BLM: variants seen among roughly 807,000 people sequenced by gnomAD.
The protein encoded by BLM is BLM RecQ like helicase.
BLM carries 95 observed loss-of-function variants against 135.3 expected under a neutral mutation model. That is an observed-to-expected ratio of 0.70 (90% CI 0.59 to 0.83). BLM has a LOEUF of 0.83. Ranked by LOEUF, BLM falls within the 40% of genes least tolerant of loss-of-function variation. The probability of loss-of-function intolerance (pLI) is 0.00; values close to 1 mark genes in which losing one functional copy is unlikely to be tolerated. For missense variants in BLM, 1,518 were observed against 1,663.9 expected (o/e 0.91, Z 1.53); for synonymous variants, 520 against 589.2 (o/e 0.88, Z 1.70).
intron 12 of BLM, among the ~76,000 whole-genome samples, chr15:90,779,808 G>A (rs1190603385): frequency 1.3e-5 from 2 of 152,160 alleles, no homozygotes; most frequent in Admixed American, 6.5e-5. Context: ...TTTGTTCCTA[G>A]TTATTCTTCA....
At chr15:90,792,083 C>CTTT (rs35083164) in intron 15 of BLM, among the ~76,000 whole-genome samples, 3 of 143,288 alleles carry the variant, frequency 2.1e-5, no homozygotes, top group Non-Finnish European at 4.5e-5. Context: ...TCTGAGACCA[C>CTTT]TTTTTTTTTT....
At chr15:90,723,940 C>T (rs1186203899) in intron 1 of BLM, among the ~76,000 whole-genome samples, 1 of 152,006 alleles carries the variant, frequency 6.6e-6, no homozygotes, top group East Asian at 1.9e-4. Flanking sequence ...TGCTTAATGG[C>T]TTCAAGGTTC....
intron 19 of BLM, among the ~76,000 whole-genome samples, chr15:90,804,664 C>T (rs1279607730): frequency 6.6e-6 from 1 of 152,040 alleles, no homozygotes; most frequent in Non-Finnish European, 1.5e-5. Flanking sequence ...AGAGTTTCAC[C>T]ATGTTGCCCA....
rs1373872204 is a variant in BLM, at chr15:90,782,896, A to G, written c.2630A>G (p.Asp877Gly). Residue 877 changes from aspartate (D) to glycine (G), a missense_variant, in exon 13 of 22, where the codon GAT (aspartate) becomes GGT (glycine). Coordinates refer to ENST00000355112, the MANE Select transcript of BLM (RefSeq NM_000057.4). ...LPKKPKKVAF[D>G]CLEWIRKHHP... ...AAAAAGCCTAAAAAGGTGGCATTTG[A>G]TTGCCTAGAATGGATCAGAAAGCAC... 1.2e-6 allele frequency: 2 copies of G among 1,613,574 alleles called. No homozygotes were observed. Among genetic ancestry groups the G allele is most frequent in the East Asian group, 4.5e-5 (2 of 44,872 alleles).
At chr15:90,811,480 C>A in intron 21 of BLM, 74 bp downstream of exon 21, 2 of 1,464,950 alleles carry the variant, frequency 1.4e-6, no homozygotes, top group Non-Finnish European at 1.9e-6. Context: ...CTCTGCCTTG[C>A]TTTGAAGGAT....
At chr15:90,744,853 C>T (rs1294224052) in intron 1 of BLM, among the ~76,000 whole-genome samples, 3 of 151,942 alleles carry the variant, frequency 2.0e-5, no homozygotes, top group Non-Finnish European at 4.4e-5. Context: ...AGTTCGAGGC[C>T]AGCCTGGGAA....
chr15:90,729,379 A>G (rs1263142862), intron 1 of BLM, among the ~76,000 whole-genome samples: 1 of 152,232 alleles, frequency 6.6e-6, no homozygotes. Context: ...TCTGTAGTTC[A>G]GAAGTCTGAA....
chr15:90,752,627 A>T (rs1389388687), intron 4 of BLM, among the ~76,000 whole-genome samples: 1 of 152,162 alleles, frequency 6.6e-6, no homozygotes, highest in Non-Finnish European at 1.5e-5. Context: ...AGAATTGGCC[A>T]TTGTATTTGT....
At chr15:90,766,307 T>C (rs1203246830) in intron 9 of BLM, among the ~76,000 whole-genome samples, 1 of 152,170 alleles carries the variant, frequency 6.6e-6, no homozygotes, top group African/African-American at 2.4e-5. Flanking sequence ...AAAGATGCCA[T>C]ACAGTAGGAC....
At chr15:90,772,867 G>C (rs987501186) in intron 12 of BLM, among the ~76,000 whole-genome samples, 14 of 152,016 alleles carry the variant, frequency 9.2e-5, no homozygotes, top group African/African-American at 3.4e-4. Context: ...GGAGGCCAAG[G>C]TGGGCGGATC....
At chr15:90,735,482 G>T (rs180743131) in intron 1 of BLM, among the ~76,000 whole-genome samples, 22 of 151,812 alleles carry the variant, frequency 1.4e-4, no homozygotes, top group Admixed American at 5.3e-4. Flanking sequence ...TAATATTGTG[G>T]TATAGACCAA....
intron 1 of BLM, among the ~76,000 whole-genome samples, chr15:90,740,917 T>A (rs1895347715): frequency 6.6e-6 from 1 of 152,164 alleles, no homozygotes; most frequent in South Asian, 2.1e-4. Context: ...TTAAACCTCT[T>A]TTTCTTTATA....
intron 3 of BLM, among the ~76,000 whole-genome samples, chr15:90,751,493 A>G (rs950528077): frequency 6.6e-6 from 1 of 152,242 alleles, no homozygotes. Flanking sequence ...AAAGTTAAAA[A>G]CTAGAAACGT....
intron 8 of BLM, among the ~76,000 whole-genome samples, chr15:90,765,080 C>T (rs1257790207): frequency 6.6e-6 from 1 of 151,498 alleles, no homozygotes; most frequent in Non-Finnish European, 1.5e-5. Flanking sequence ...AAGACAAAAA[C>T]AAAAACAAAA....
Position 90,760,691 on chromosome 15 carries a change from G to A in BLM, c.1318G>A (p.Glu440Lys), listed in dbSNP as rs777845306. The A allele has an allele frequency of 6.2e-7, 1 of 1,614,046 alleles. No individual in the cohort carries two copies. Among genetic ancestry groups the A allele is most frequent in the Non-Finnish European group, 8.5e-7 (1 of 1,179,914 alleles). ...GCCTGATTCACTTGATGGCCCTATG[G>A]AGGGTGATTCCTGCCCTACAGGGAA... is the stretch of plus-strand genomic sequence containing the variant. ...YRPDSLDGPM[E>K]GDSCPTGNSM... The change falls in exon 7 of 22, where the codon GAG (glutamate) becomes AAG (lysine). Residue 440 changes from glutamate (E) to lysine (K), a missense_variant. By Grantham distance (56) the Glu-to-Lys change is moderately conservative (BLOSUM62 1). Transcript: ENST00000355112.
At chr15:90,770,163 GA>G (rs1896266549) in intron 12 of BLM, among the ~76,000 whole-genome samples, 1 of 142,570 alleles carries the variant, frequency 7.0e-6, no homozygotes, top group Non-Finnish European at 1.5e-5. Flanking sequence ...TACTATAAAA[GA>G]AATCCCCCCC....
At chr15:90,789,059 ATAT>A (rs1896833599) in intron 14 of BLM, among the ~76,000 whole-genome samples, 3 of 151,508 alleles carry the variant, frequency 2.0e-5, no homozygotes, top group African/African-American at 7.3e-5. Flanking sequence ...ATATATATAT[ATAT>A]AACTTTGATA....
chr15:90,780,693 C>T (rs527667377), intron 12 of BLM, among the ~76,000 whole-genome samples: 4 of 152,322 alleles, frequency 2.6e-5, no homozygotes, highest in Admixed American at 2.6e-4. Context: ...TGCTGAGCAC[C>T]AAGCGCTATG....
At chr15:90,806,868 A>G (rs1897297358) in intron 19 of BLM, among the ~76,000 whole-genome samples, 1 of 152,226 alleles carries the variant, frequency 6.6e-6, no homozygotes, top group South Asian at 2.1e-4. Flanking sequence ...CTGTTACTTT[A>G]TGGACTATTA....
Sources: allele counts gnomAD v4.1 joint callset (sites outside exome capture counted in the v4.1 genomes callset), GRCh38; gene constraint gnomAD v4.1.1; transcripts MANE v1.5; gene names NCBI Gene and HGNC (gene_info 2026-07-23, HGNC 2026-07-21).